UGT1A9: variants seen among roughly 807,000 people sequenced by gnomAD.
UGT1A9 encodes UDP-glucuronosyltransferase 1A9.
UGT1A9 carries 35 observed loss-of-function variants against 45.0 expected under a neutral mutation model. The ratio of observed to expected loss-of-function variants is 0.78; its 90% CI spans 0.59 to 1.03. UGT1A9 has a LOEUF of 1.03. Among genes scored for constraint, UGT1A9 ranks in the 50% least tolerant of loss-of-function variants. UGT1A9 has a pLI of 0.00. For missense variants in UGT1A9, 687 were observed against 666.6 expected, an observed-to-expected ratio of 1.03 and a Z score of -0.34; for synonymous variants, 278 against 250.6, an observed-to-expected ratio of 1.11 and a Z score of -1.03.
rs939298630 is a variant in UGT1A9, at chr2:233,760,212, G to A, written c.856-6822G>A. ...ACGTGACACAGTCAAACATTAACTT[G>A]GTGTATCGATTGGTTTTTGCCATAT... On this transcript the variant is annotated intron_variant, in intron 1 of 4. Coordinates refer to ENST00000354728, the MANE Select transcript of UGT1A9 (RefSeq NM_021027.3). 1.9e-5 allele frequency: 30 copies of A among 1,591,462 alleles called. No homozygotes were observed. The Admixed American group carries it at 4.7e-4, about 25-fold the overall frequency.
chr2:233,763,863 G>A (rs1486150283), intron 1 of UGT1A9, among the ~76,000 whole-genome samples: 2 of 152,132 alleles, frequency 1.3e-5, no homozygotes, highest in Non-Finnish European at 1.5e-5. Flanking sequence ...ACAGACAATC[G>A]CAATGCTGGG....
rs67292694 is a variant in UGT1A9 at position 233,757,535 on chromosome 2, A to AATATATATAT, written c.856-9482_856-9473dup. Among the ~76,000 whole-genome samples the AATATATATAT allele has an allele frequency of 5.8e-3, 509 of 88,260 alleles. 17 individuals are homozygous for AATATATATAT. Among genetic ancestry groups the AATATATATAT allele is most frequent in the African/African-American group, 0.017 (333 of 19,902 alleles). The allele number at this position is 88,260 out of a possible 152,430, so 57.9% of individuals were successfully genotyped here. A position where few individuals can be genotyped will look rare whatever the true frequency, so the allele number is the denominator to read the frequency against. On this transcript the variant is annotated intron_variant, in intron 1 of 4. Coordinates refer to ENST00000354728, the MANE Select transcript of UGT1A9 (RefSeq NM_021027.3). ...CAAAGCCAAAATCTTGCCTGTAAGG[A>AATATATATAT]ATATATATATATATATATATATATA...
chr2:233,733,282 T>A (rs1222670290), intron 1 of UGT1A9, among the ~76,000 whole-genome samples: 1 of 152,234 alleles, frequency 6.6e-6, no homozygotes, highest in African/African-American at 2.4e-5. Flanking sequence ...CCTCTTTTCC[T>A]AATTGAATGC....
At chr2:233,704,812 T>A (rs2075808087) in intron 1 of UGT1A9, among the ~76,000 whole-genome samples, 1 of 152,136 alleles carries the variant, frequency 6.6e-6, no homozygotes, top group Non-Finnish European at 1.5e-5. Context: ...ATATGTATAT[T>A]GCTTTTTAGG....
At chr2:233,713,117 C>G in intron 1 of UGT1A9, 2 of 1,614,220 alleles carry the variant, frequency 1.2e-6, no homozygotes, top group South Asian at 1.1e-5. Flanking sequence ...GCCACTGGCT[C>G]AGCATGCGGG....
chr2:233,680,254 A>G (rs938360089), intron 1 of UGT1A9, among the ~76,000 whole-genome samples: 4 of 152,190 alleles, frequency 2.6e-5, no homozygotes, highest in African/African-American at 4.8e-5. Context: ...TACACTAAAC[A>G]TGATGAAAAA....
At chr2:233,751,693 G>A (rs1694787580) in intron 1 of UGT1A9, among the ~76,000 whole-genome samples, 1 of 152,146 alleles carries the variant, frequency 6.6e-6, no homozygotes, top group Non-Finnish European at 1.5e-5. Flanking sequence ...GGTTTTATAA[G>A]GGGCTCTTCC....
chr2:233,742,362 A>G (rs536204491), intron 1 of UGT1A9, among the ~76,000 whole-genome samples: 1 of 152,110 alleles, frequency 6.6e-6, no homozygotes, highest in South Asian at 2.1e-4. Context: ...TGCAGCAGAA[A>G]CATGTCCTTA....
intron 1 of UGT1A9, among the ~76,000 whole-genome samples, chr2:233,708,873 C>T (rs936265781): frequency 1.1e-4 from 16 of 151,932 alleles, no homozygotes; most frequent in Admixed American, 7.9e-4. Context: ...TATTGGTTCA[C>T]ATACTAGAAC....
chr2:233,705,563 G>A (rs775639563), intron 1 of UGT1A9, among the ~76,000 whole-genome samples: 1 of 152,172 alleles, frequency 6.6e-6, no homozygotes, highest in Non-Finnish European at 1.5e-5. Context: ...ATTGCTTGTG[G>A]CAAGGGATAG....
In UGT1A9 at chr2:233,768,473, A is replaced by G. The variant is rs1334897468; in HGVS notation, c.1295+34A>G. ...GAAGATACAGAAGAATACTTTGGTC[A>G]TGGCATTCATGATAAAATTGTTTCA... is the stretch of plus-strand genomic sequence containing the variant. On this transcript the variant is annotated intron_variant, in intron 4 of 4. Transcript: ENST00000354728. The G allele has an allele frequency of 3.8e-6, 6 of 1,597,614 alleles. No homozygotes were observed. The African/African-American group carries it at 4.0e-5, about 11-fold the overall frequency.
intron 1 of UGT1A9, chr2:233,754,408 C>G (rs1318751129): frequency 8.8e-6 from 3 of 340,794 alleles, no homozygotes; most frequent in African/African-American, 6.4e-5. Flanking sequence ...GCAGTCCCAA[C>G]AATAAAGACA....
intron 1 of UGT1A9, chr2:233,692,916 A>G (rs1474045639): frequency 6.4e-7 from 1 of 1,563,928 alleles, no homozygotes; most frequent in African/African-American, 1.4e-5. Context: ...TGTGAAAAGC[A>G]GTGGTTAGTT....
chr2:233,772,961 T>C lies in UGT1A9; in HGVS notation c.*402T>C, dbSNP rs1575872902. On this transcript the variant is annotated 3_prime_UTR_variant, in exon 5 of 5. Transcript: ENST00000354728. The stretch of plus-strand genomic sequence containing the variant: ...TTTGGCTTCTGCAGATGGTTGCAAT[T>C]GATCCTTAACCAATAATGGTCAGTC... 2 of 315,806 alleles carry C rather than the reference T, an allele frequency of 6.3e-6. No homozygotes were observed. Among genetic ancestry groups the C allele is most frequent in the East Asian group, 1.6e-4 (2 of 12,236 alleles). 19.6% of individuals were successfully genotyped at this position (315,806 alleles called of 1,614,324 possible).
chr2:233,728,958 A>G (rs2077771946), intron 1 of UGT1A9: 1 of 1,444,154 alleles, frequency 6.9e-7, no homozygotes, highest in Non-Finnish European at 9.2e-7. Flanking sequence ...CCCACAGTGA[A>G]AAACAGTGAT....
In UGT1A9 at chr2:233,766,922, G is replaced by A. The variant is rs955173337; in HGVS notation, c.856-112G>A. The A allele has an allele frequency of 8.3e-6, 13 of 1,559,654 alleles. No individual in the cohort carries two copies. The Middle Eastern group carries it at 1.0e-3, about 123-fold the overall frequency. On this transcript the variant is annotated intron_variant, in intron 1 of 4. Transcript: ENST00000354728. ...TAATTTTTTACTCTATCTCAAACAC[G>A]CATGCCTTTAATCATAGTCTTAAGA...
At chr2:233,747,624 ATC>A in intron 1 of UGT1A9, 1 of 1,577,546 alleles carries the variant, frequency 6.3e-7, no homozygotes, top group South Asian at 1.1e-5. Flanking sequence ...TGAGGCCCTG[ATC>A]AGGCACCTGA....
intron 1 of UGT1A9, chr2:233,693,850 G>A (rs1347397374): frequency 6.2e-7 from 1 of 1,614,080 alleles, no homozygotes. Flanking sequence ...GTAAGAAGAG[G>A]AAAGACTTGT....
At chr2:233,747,812 C>A (rs1693783784) in intron 1 of UGT1A9, 1 of 1,613,462 alleles carries the variant, frequency 6.2e-7, no homozygotes, top group Non-Finnish European at 8.5e-7. Context: ...TACTAACGAC[C>A]AATTCAGACC....
Sources: allele counts gnomAD v4.1 joint callset (sites outside exome capture counted in the v4.1 genomes callset), GRCh38; gene constraint gnomAD v4.1.1; transcripts MANE v1.5; gene names NCBI Gene and HGNC (gene_info 2026-07-23, HGNC 2026-07-21).